Variants in RAD52 observed in about 807,000 individuals in gnomAD.
The protein encoded by RAD52 is RAD52 DNA repair protein, also known as DNA repair protein RAD52 homolog.
A neutral mutation model predicts 55.5 loss-of-function variants in RAD52; 47 were observed. That is an observed-to-expected ratio of 0.85 (90% CI 0.67 to 1.08). RAD52 has a LOEUF of 1.08. Ranked by LOEUF, RAD52 falls within the 50% of genes least tolerant of loss-of-function variation. The pLI is 0.00. For missense variants in RAD52, 468 were observed against 522.8 expected, an observed-to-expected ratio of 0.90 and a Z score of 1.02; for synonymous variants, 184 against 198.9, an observed-to-expected ratio of 0.92 and a Z score of 0.63.
chr12:964,610 G>GCT (rs1365447422), intron 1 of RAD52, among the ~76,000 whole-genome samples: 2 of 152,002 alleles, frequency 1.3e-5, no homozygotes, highest in African/African-American at 2.4e-5. Flanking sequence ...GACAATAGCG[G>GCT]CTCTGCTGCC....
intron 1 of RAD52, chr12:976,386 G>T (rs942845161): frequency 6.6e-6 from 1 of 152,188 alleles, no homozygotes; most frequent in African/African-American, 2.4e-5. Context: ...TTTCCTCTTG[G>T]AAGGCTCTGT....
intron 7 of RAD52, among the ~76,000 whole-genome samples, chr12:923,805 C>A (rs950287414): frequency 7.9e-5 from 12 of 151,922 alleles, no homozygotes; most frequent in African/African-American, 2.9e-4. Context: ...CGCCTGTCAT[C>A]CCAAAACTTT....
chr12:973,158 C>G (rs1054960237), intron 1 of RAD52, among the ~76,000 whole-genome samples: 1 of 152,130 alleles, frequency 6.6e-6, no homozygotes, highest in Non-Finnish European at 1.5e-5. Flanking sequence ...CAAGCTCCCC[C>G]TCCCGGGTTG....
At chr12:958,857 C>G (rs927075315) in intron 1 of RAD52, among the ~76,000 whole-genome samples, 4 of 152,124 alleles carry the variant, frequency 2.6e-5, no homozygotes, top group Non-Finnish European at 5.9e-5. Context: ...GCATTTTCCT[C>G]AAGCACCCTA....
chr12:938,855 G>A (rs924382137), intron 1 of RAD52, among the ~76,000 whole-genome samples: 1 of 152,064 alleles, frequency 6.6e-6, no homozygotes, highest in Non-Finnish European at 1.5e-5. Flanking sequence ...ACAACCTCCT[G>A]GGCTCAGGTG....
chr12:984,444 T>C (rs143523762), intron 1 of RAD52, among the ~76,000 whole-genome samples: 6,048 of 152,202 alleles, frequency 0.04, 138 homozygotes, highest in Middle Eastern at 0.075. Context: ...GTGATCCACC[T>C]GCCTCAGGCT....
intron 3 of RAD52, among the ~76,000 whole-genome samples, chr12:930,740 GA>G (rs1448303179): frequency 2.0e-5 from 3 of 152,050 alleles, no homozygotes; most frequent in Non-Finnish European, 4.4e-5. Flanking sequence ...GCCGAGGTGG[GA>G]GGATCACTTG....
At chr12:963,767 C>T (rs1377185969) in intron 1 of RAD52, among the ~76,000 whole-genome samples, 1 of 151,144 alleles carries the variant, frequency 6.6e-6, no homozygotes, top group Non-Finnish European at 1.5e-5. Context: ...TTTGGGGGTT[C>T]TATTTATCAT....
intron 1 of RAD52, among the ~76,000 whole-genome samples, chr12:969,421 A>T (rs1275319049): frequency 6.6e-6 from 1 of 152,058 alleles, no homozygotes. Flanking sequence ...AAATTATATG[A>T]AATAGACATT....
chr12:972,562 C>T (rs138542339), intron 1 of RAD52, among the ~76,000 whole-genome samples: 5 of 151,552 alleles, frequency 3.3e-5, no homozygotes, highest in Admixed American at 6.6e-5. Context: ...GTCAGGAGAT[C>T]GAGACCATCC....
At chr12:920,757 T>C (rs1956682896) in intron 7 of RAD52, among the ~76,000 whole-genome samples, 1 of 152,124 alleles carries the variant, frequency 6.6e-6, no homozygotes, top group Non-Finnish European at 1.5e-5. Flanking sequence ...AAAAGATGAA[T>C]AAGGCGATAG....
At chr12:969,875 G>A (rs1565708666) in intron 1 of RAD52, among the ~76,000 whole-genome samples, 1 of 151,876 alleles carries the variant, frequency 6.6e-6, no homozygotes, top group Non-Finnish European at 1.5e-5. Context: ...AAGAAACTAT[G>A]TAAAGAGGTT....
intron 5 of RAD52, among the ~76,000 whole-genome samples, chr12:928,163 T>G (rs955639370): frequency 6.6e-6 from 1 of 152,228 alleles, no homozygotes; most frequent in African/African-American, 2.4e-5. Context: ...ACAAGATTTT[T>G]TAGTACTATT....
At chr12:944,571 T>C (rs1456980041) in intron 1 of RAD52, among the ~76,000 whole-genome samples, 1 of 149,040 alleles carries the variant, frequency 6.7e-6, no homozygotes, top group Admixed American at 6.7e-5. Flanking sequence ...ATCCCAAAAT[T>C]CTGATAGGTG....
chr12:921,736 TAAAAC>T (rs1217086868), intron 7 of RAD52, among the ~76,000 whole-genome samples: 2 of 151,598 alleles, frequency 1.3e-5, no homozygotes, highest in Non-Finnish European at 2.9e-5. Flanking sequence ...ATTAAAATAA[TAAAAC>T]AAAATAAAAT....
intron 1 of RAD52, among the ~76,000 whole-genome samples, chr12:966,961 T>A (rs1958779118): frequency 6.6e-6 from 1 of 152,114 alleles, no homozygotes. Context: ...TGTGCTGTAG[T>A]TAAATATGAT....
chr12:987,407 C>T (rs1565718684), intron 1 of RAD52, among the ~76,000 whole-genome samples: 1 of 151,756 alleles, frequency 6.6e-6, no homozygotes, highest in African/African-American at 2.4e-5. Context: ...TGGATTCTTT[C>T]AGTTCTAGGA....
intron 6 of RAD52, among the ~76,000 whole-genome samples, chr12:926,620 T>C (rs1957050659): frequency 6.6e-6 from 1 of 152,184 alleles, no homozygotes; most frequent in Admixed American, 6.5e-5. Context: ...AGAAGCTTCC[T>C]GAGGCCTCAG....
chr12:961,309 C>CAAAAAAAAA lies in RAD52; in HGVS notation c.-18-28242_-18-28234dup, dbSNP rs60547688. 5.6e-4 allele frequency among the ~76,000 whole-genome samples: 19 copies of CAAAAAAAAA among 33,810 alleles called. 1 individual carries two copies. Among genetic ancestry groups the CAAAAAAAAA allele is most frequent in the Admixed American group, 1.4e-3 (3 of 2,146 alleles). The allele number at this position is 33,810 out of a possible 152,430, so 22.2% of individuals were successfully genotyped here. A position where few individuals can be genotyped will look rare whatever the true frequency, so the allele number is the denominator to read the frequency against. On this transcript the variant is annotated intron_variant, in intron 1 of 11. Transcript: ENST00000430095. ...TGGGTGACAGAGTGAGACTCCATCTCAAAAAAAAAAAAAAAAAAAAAAAGG... is the reference window on the plus strand; with the variant it reads ...TGGGTGACAGAGTGAGACTCCATCTCAAAAAAAAAAAAAAAAAAAAAAAAAAAAAAAAGG...
Sources: gnomAD v4.1 joint callset for allele counts (sites outside exome capture counted in the v4.1 genomes callset) on GRCh38, gnomAD v4.1.1 for gene constraint, MANE v1.5 for transcripts, NCBI Gene and HGNC (gene_info 2026-07-23, HGNC 2026-07-21) for gene names.